HDAC9: variants seen among roughly 807,000 people sequenced by gnomAD.
HDAC9 encodes MEF-2 interacting transcription repressor (MITR) protein.
A neutral mutation model predicts 139.4 loss-of-function variants in HDAC9; 41 were observed. The ratio of observed to expected loss-of-function variants is 0.29; its 90% CI spans 0.23 to 0.38. HDAC9 has a LOEUF of 0.38. Ranked by LOEUF, HDAC9 falls within the 10% of genes least tolerant of loss-of-function variation. The pLI, the probability that HDAC9 is intolerant of heterozygous loss-of-function variation, is 1.00. For synonymous variants in HDAC9, 517 were observed against 476.2 expected, an observed-to-expected ratio of 1.09 and a Z score of -1.12; for missense variants, 1,147 against 1,297.0, an observed-to-expected ratio of 0.88 and a Z score of 1.78.
At chr7:18,815,411 A>G (rs1411401657) in intron 17 of HDAC9, among the ~76,000 whole-genome samples, 1 of 152,228 alleles carries the variant, frequency 6.6e-6, no homozygotes, top group Non-Finnish European at 1.5e-5. Flanking sequence ...TACCAAGACC[A>G]CATCCTGATG....
intron 1 of HDAC9, among the ~76,000 whole-genome samples, chr7:18,358,907 C>T (rs150366752): frequency 1.3e-5 from 2 of 152,330 alleles, no homozygotes; most frequent in Non-Finnish European, 1.5e-5. Flanking sequence ...GTACCTGTCA[C>T]ATAGTCAGTA....
chr7:18,897,641 A>C (rs1193188309), intron 22 of HDAC9, among the ~76,000 whole-genome samples: 1 of 151,874 alleles, frequency 6.6e-6, no homozygotes, highest in Non-Finnish European at 1.5e-5. Context: ...GGCAACCTAA[A>C]AGGGTGAATA....
At chr7:18,507,769 T>C (rs1800264252) in intron 2 of HDAC9, among the ~76,000 whole-genome samples, 1 of 152,238 alleles carries the variant, frequency 6.6e-6, no homozygotes. Context: ...AAAAGATAAA[T>C]ATGTTTTGTG....
chr7:18,372,322 C>T (rs1452854748), intron 1 of HDAC9, among the ~76,000 whole-genome samples: 2 of 152,176 alleles, frequency 1.3e-5, no homozygotes, highest in Non-Finnish European at 2.9e-5. Context: ...CTACCAAGGG[C>T]TTCTCAAACC....
chr7:18,181,558 A>C (rs1342641724), intron 2 of HDAC9, among the ~76,000 whole-genome samples: 1 of 152,216 alleles, frequency 6.6e-6, no homozygotes, highest in African/African-American at 2.4e-5. Flanking sequence ...TATTTTACAG[A>C]GGTCAAAGCA....
intron 1 of HDAC9, among the ~76,000 whole-genome samples, chr7:18,126,814 G>C (rs949374695): frequency 4.6e-5 from 7 of 152,192 alleles, no homozygotes; most frequent in South Asian, 2.1e-4. Flanking sequence ...TTTCTGTTTG[G>C]ATTAAAGATA....
At chr7:18,319,942 C>T (rs1489203733) in intron 1 of HDAC9, among the ~76,000 whole-genome samples, 5 of 152,130 alleles carry the variant, frequency 3.3e-5, no homozygotes, top group African/African-American at 9.7e-5. Flanking sequence ...GTTACTCTAG[C>T]AGGTTTTTGT....
chr7:18,828,258 C>T (rs1294645990), intron 17 of HDAC9, among the ~76,000 whole-genome samples: 1 of 152,264 alleles, frequency 6.6e-6, no homozygotes, highest in Non-Finnish European at 1.5e-5. Flanking sequence ...TATAAAACAG[C>T]ATTAACATGC....
chr7:18,262,375 CTATCTG>C (rs1214361531), intron 2 of HDAC9, among the ~76,000 whole-genome samples: 2 of 152,284 alleles, frequency 1.3e-5, no homozygotes, highest in Admixed American at 1.3e-4. Context: ...AGCAAAAGTT[CTATCTG>C]TAGAAAAACT....
chr7:18,528,953 C>CA (rs1198197307), intron 2 of HDAC9, among the ~76,000 whole-genome samples: 3 of 152,132 alleles, frequency 2.0e-5, no homozygotes, highest in Non-Finnish European at 4.4e-5. Flanking sequence ...TTTTAGCCAT[C>CA]AGAGTTTTTC....
chr7:18,186,373 G>A (rs1464653231), intron 2 of HDAC9, among the ~76,000 whole-genome samples: 1 of 152,228 alleles, frequency 6.6e-6, no homozygotes. Flanking sequence ...AGCTAACAAG[G>A]AACAGGTGCA....
intron 21 of HDAC9, among the ~76,000 whole-genome samples, chr7:18,857,312 T>C (rs999569581): frequency 1.3e-5 from 2 of 149,176 alleles, no homozygotes; most frequent in Non-Finnish European, 3.0e-5. Flanking sequence ...GTGTCACATA[T>C]TGTTTCACAA....
intron 1 of HDAC9, among the ~76,000 whole-genome samples, chr7:18,332,062 A>G (rs1487161730): frequency 2.6e-5 from 4 of 151,684 alleles, no homozygotes; most frequent in Non-Finnish European, 1.5e-5. Context: ...CGTCATTCAG[A>G]TGTTTAAATT....
At chr7:18,705,748 G>T (rs373321541) in intron 12 of HDAC9, among the ~76,000 whole-genome samples, 3 of 151,508 alleles carry the variant, frequency 2.0e-5, no homozygotes, top group East Asian at 1.9e-4. Context: ...AGCTGCTTGG[G>T]AGGATGAGGC....
chr7:18,842,606 A>C (rs1367692195), intron 21 of HDAC9, among the ~76,000 whole-genome samples: 1 of 152,162 alleles, frequency 6.6e-6, no homozygotes, highest in Non-Finnish European at 1.5e-5. Flanking sequence ...CAAGAAAAAA[A>C]ATCCATAGGA....
At chr7:18,163,571 G>T (rs1787806418) in intron 2 of HDAC9, among the ~76,000 whole-genome samples, 1 of 152,058 alleles carries the variant, frequency 6.6e-6, no homozygotes, top group Non-Finnish European at 1.5e-5. Flanking sequence ...ACCACACTTT[G>T]GGAATCACTG....
rs144926629 is a variant in HDAC9, at chr7:18,097,218, T to C, written c.-97+10005T>C. ...TATTTGCTCTCATATCTAACATTAT[T>C]ATATTTTTTGGTTATAATTGGATGT... On this transcript the variant is annotated intron_variant, in intron 1 of 12. Coordinates refer to the HDAC9 transcript ENST00000417496. Among the ~76,000 whole-genome samples the C allele has an allele frequency of 4.9e-4, 74 of 152,340 alleles. 3 individuals carry two copies. The highest frequency in any genetic ancestry group is 2.2e-4 in the Non-Finnish European group (15 of 68,036).
At chr7:18,982,348 C>A (rs1218273472) in intron 25 of HDAC9, among the ~76,000 whole-genome samples, 2 of 152,050 alleles carry the variant, frequency 1.3e-5, no homozygotes, top group Admixed American at 6.6e-5. Flanking sequence ...AATACTTTTC[C>A]ATTTCCATTA....
intron 12 of HDAC9, among the ~76,000 whole-genome samples, chr7:18,686,716 T>G (rs1782301816): frequency 6.6e-6 from 1 of 151,966 alleles, no homozygotes; most frequent in Non-Finnish European, 1.5e-5. Context: ...TCTGAAATTT[T>G]AACTCTGTCA....
Sources: gnomAD v4.1 joint callset for allele counts (sites outside exome capture counted in the v4.1 genomes callset) on GRCh38, gnomAD v4.1.1 for gene constraint, MANE v1.5 for transcripts, NCBI Gene and HGNC (gene_info 2026-07-23, HGNC 2026-07-21) for gene names.